NOTUM: variants seen among roughly 807,000 people sequenced by gnomAD.
The protein encoded by NOTUM is palmitoleoyl-protein carboxylesterase NOTUM.
Under a neutral mutation model 65.5 loss-of-function variants are expected in NOTUM, and 36 were observed. That is an observed-to-expected ratio of 0.55 (90% confidence interval 0.42 to 0.73). The LOEUF is 0.73. NOTUM is among the 30% of genes least tolerant of loss of function. NOTUM has a pLI of 0.00. For synonymous variants in NOTUM, 356 were observed against 297.9 expected (o/e 1.20, Z -2.01); for missense variants, 659 against 694.2 (o/e 0.95, Z 0.57).
Position 81,956,687 on chromosome 17 carries a change from G to A in NOTUM, c.951C>T (p.Asn317=), listed in dbSNP as rs767603340. ...RRQFQEGEEW[N]CFFGYKVYPT... ...GGTAGACCTTGTAGCCAAAGAAGCA[G>A]TTCCACTCCTCGCCCTCCTGGAACT... is the stretch of plus-strand genomic sequence containing the variant. Residue 317 remains asparagine (N), a synonymous_variant, in exon 8 of 11, where the codon AAC becomes AAT. Coordinates refer to ENST00000409678, the MANE Select transcript of NOTUM (RefSeq NM_178493.6). 2 of 1,612,898 alleles carry A rather than the reference G, an allele frequency of 1.2e-6. No individual in the cohort carries two copies. The highest frequency in any genetic ancestry group is 1.7e-5 in the Admixed American group (1 of 59,988).
intron 5 of NOTUM, 55 bp downstream of exon 5, chr17:81,958,280 C>A: frequency 1.6e-6 from 2 of 1,229,022 alleles, no homozygotes; most frequent in Non-Finnish European, 2.4e-6. Context: ...TCCTCCCTGC[C>A]CTGCCATCCG....
Position 81,958,355 on chromosome 17 carries a change from G to A in NOTUM, c.572C>T (p.Ala191Val). The A allele has an allele frequency of 2.5e-6, 4 of 1,610,396 alleles. No homozygotes were observed. The highest frequency in any genetic ancestry group is 1.7e-6 in the Non-Finnish European group (2 of 1,177,992). Residue 191 changes from alanine to valine, a missense_variant, in exon 5 of 11, where the codon GCT (alanine) becomes GTT (valine). Ala to Val is a moderately conservative substitution (Grantham distance 64, BLOSUM62 0). Coordinates refer to ENST00000409678, the MANE Select transcript of NOTUM (RefSeq NM_178493.6). The stretch of plus-strand genomic sequence containing the variant: ...CTCACTCTTCTCAGACTTGGATGAA[G>A]CCCCGCTCCAAACATCACTGGAGCA... ...PYCSSDVWSG[A>V]SSKSEKNEYA...
chr17:81,958,815 A>C (rs2041452458), intron 4 of NOTUM, 120 bp downstream of exon 4: 3 of 741,676 alleles, frequency 4.0e-6, no homozygotes, highest in Admixed American at 2.3e-5. Flanking sequence ...CCCCAAAAGA[A>C]CCATCCAGAA....
rs761130743 is a variant in NOTUM, at chr17:81,955,489, G to T, written c.1044C>A (p.Asn348Lys). 1.9e-6 allele frequency: 3 copies of T among 1,611,012 alleles called. No homozygotes were observed. Among genetic ancestry groups the T allele is most frequent in the Non-Finnish European group, 8.5e-7 (1 of 1,179,062 alleles). Residue 348 changes from asparagine (N) to lysine (K), a missense_variant, in exon 9 of 11, where the codon AAC becomes AAA. By Grantham distance (94) the Asn-to-Lys change is moderately conservative. Transcript: ENST00000409678. ...LFDEAQLTVD[N>K]VHLTGQPVQE... ...GCACCGGCTGCCCCGTCAGGTGCACGTTGTCCACCGTCAGCTGTGCCTCGT... is the reference window on the plus strand; with the variant it reads ...GCACCGGCTGCCCCGTCAGGTGCACTTTGTCCACCGTCAGCTGTGCCTCGT...
chr17:81,952,820 G>A lies in NOTUM; in HGVS notation c.*141C>T. On this transcript the variant is annotated 3_prime_UTR_variant, in exon 11 of 11. Transcript: ENST00000409678. ...GGGCAGGGAAAGCCGGGGCAGGAGG[G>A]CAGTGGGCAGACCCAGACAGGGGGG... 4.2e-6 allele frequency: 3 copies of A among 718,258 alleles called. No homozygotes were observed. Among genetic ancestry groups the A allele is most frequent in the Non-Finnish European group, 2.4e-6 (1 of 422,994 alleles). 44.5% of individuals were successfully genotyped at this position (718,258 alleles called of 1,614,324 possible).
At chr17:81,954,373 A>G in intron 9 of NOTUM, 70 bp from the exon 10 acceptor site, 2 of 1,125,094 alleles carry the variant, frequency 1.8e-6, no homozygotes, top group South Asian at 2.6e-5. Flanking sequence ...CCACTCCCCT[A>G]GAGCTGTCCC....
chr17:81,957,906 C>T lies in NOTUM; in HGVS notation c.595G>A (p.Glu199Lys), dbSNP rs201745358. The T allele has an allele frequency of 6.5e-4, 1,037 of 1,596,008 alleles. 2 individuals carry two copies. Among genetic ancestry groups the T allele is most frequent in the Non-Finnish European group, 7.9e-4 (929 of 1,171,466 alleles). ...SGASSKSEKNEYAFMGALIIQ... is the reference protein window; with the variant it reads ...SGASSKSEKNKYAFMGALIIQ... Reference sequence around the variant, plus strand: ...ATGAGGGCGCCCATGAAGGCGTACTCGTCTGCAAGAGGGAGGGGGTGGCCT... The same window carrying T: ...ATGAGGGCGCCCATGAAGGCGTACTTGTCTGCAAGAGGGAGGGGGTGGCCT... Residue 199 changes from glutamate to lysine, a missense_variant and splice_region_variant, in exon 6 of 11, where the codon GAG becomes AAG. Glu to Lys is a moderately conservative substitution (Grantham distance 56). Transcript: ENST00000409678.
chr17:81,955,652 T>G (rs2041427401), intron 8 of NOTUM, 108 bp from the exon 9 acceptor site: 4 of 918,734 alleles, frequency 4.4e-6, no homozygotes, highest in Non-Finnish European at 5.9e-6. Context: ...CACCCCAGGC[T>G]CAGAGCTCAG....
Position 81,952,861 on chromosome 17 carries a change from TC to T in NOTUM, c.*99del. The T allele has an allele frequency of 9.2e-7, 1 of 1,091,974 alleles. No individual in the cohort carries two copies. The allele number at this position is 1,091,974 out of a possible 1,614,324, so 67.6% of individuals were successfully genotyped here. ...GACAGGGGGGACGGCTGGGGCCCTG[TC>T]CCGAAGAGACGGGAGGGCCTGCTGG... On this transcript the variant is annotated 3_prime_UTR_variant, in exon 11 of 11. Transcript: ENST00000409678.
intron 3 of NOTUM, 28 bp downstream of exon 3, chr17:81,959,443 G>C: frequency 6.6e-7 from 1 of 1,520,146 alleles, no homozygotes; most frequent in Non-Finnish European, 8.9e-7. Context: ...CTCACGTCGA[G>C]ACGCCTTCCC....
chr17:81,959,599 C>G, intron 2 of NOTUM, 33 bp from the exon 3 acceptor site: 3 of 1,546,932 alleles, frequency 1.9e-6, no homozygotes, highest in South Asian at 2.4e-5. Flanking sequence ...GGCCCGCGCG[C>G]ACAGACCCCC....
chr17:81,957,673 C>G (rs761990703), intron 6 of NOTUM, 133 bp downstream of exon 6: 5 of 661,858 alleles, frequency 7.6e-6, no homozygotes, highest in South Asian at 7.2e-5. Context: ...CTCTCACCCT[C>G]CTAGCCACCT....
chr17:81,954,836 T>C (rs1377140986), intron 9 of NOTUM, among the ~76,000 whole-genome samples: 9 of 152,098 alleles, frequency 5.9e-5, no homozygotes, highest in Non-Finnish European at 1.0e-4. Flanking sequence ...TGGCTGGTCT[T>C]AGACTCCTGG....
At position 81,955,476 on chromosome 17, in the gene NOTUM, C is replaced by G; in HGVS notation, c.1057G>C (p.Gly353Arg). 1.2e-6 allele frequency: 2 copies of G among 1,610,560 alleles called. No homozygotes were observed. Among genetic ancestry groups the G allele is most frequent in the East Asian group, 2.2e-5 (1 of 44,838 alleles). The change falls in exon 9 of 11, where the codon GGG (glycine) becomes CGG (arginine). Residue 353 changes from glycine to arginine, a missense_variant. Coordinates refer to ENST00000409678, the MANE Select transcript of NOTUM (RefSeq NM_178493.6). ...QLTVDNVHLTGQPVQEGLRLY... is the reference protein window; with the variant it reads ...QLTVDNVHLTRQPVQEGLRLY... ...CGCAGGCCCTCCTGCACCGGCTGCC[C>G]CGTCAGGTGCACGTTGTCCACCGTC...
At chr17:81,959,152 A>G in intron 3 of NOTUM, 157 bp from the exon 4 acceptor site, 1 of 678,618 alleles carries the variant, frequency 1.5e-6, no homozygotes, top group African/African-American at 1.8e-5. Context: ...AAAGTGGAGG[A>G]CAGTTGGGTT....
chr17:81,958,228 A>G, intron 5 of NOTUM, 107 bp downstream of exon 5: 1 of 768,876 alleles, frequency 1.3e-6, no homozygotes, highest in Non-Finnish European at 2.3e-6. Flanking sequence ...TTTTCCCCAG[A>G]ACCCCTGCCG....
intron 5 of NOTUM, 38 bp from the exon 6 acceptor site, chr17:81,957,946 G>T (rs2041445714): frequency 1.4e-6 from 2 of 1,444,306 alleles, no homozygotes; most frequent in Non-Finnish European, 1.9e-6. Flanking sequence ...TAGGGGCCTG[G>T]ACAGAGAGAA....
At chr17:81,953,289 G>A (rs1429648470) in intron 10 of NOTUM, 22 bp from the exon 11 acceptor site, 1 of 1,463,702 alleles carries the variant, frequency 6.8e-7, no homozygotes, top group African/African-American at 2.0e-5. Flanking sequence ...AACCGGGGGA[G>A]GGGGTCACAT....
In NOTUM at chr17:81,960,868, C is replaced by T. The variant is rs752497169; in HGVS notation, c.42G>A (p.Leu14=). ...GVRVLLLLSL[L]HCAGGSEGRK... ...TGCCCTCGCTGCCCCCGGCGCAGTG[C>T]AGCAGGCTCAGCAGCAGCAGCACGC... The change falls in exon 1 of 11, where the codon CTG becomes CTA. Residue 14 remains leucine, a synonymous_variant. Coordinates refer to ENST00000409678, the MANE Select transcript of NOTUM (RefSeq NM_178493.6). The surrounding 1 kb of genome is among the most constrained non-coding windows in gnomAD (Gnocchi z 6.4). 76 of 1,413,312 alleles carry T rather than the reference C, an allele frequency of 5.4e-5. No individual in the cohort carries two copies. The East Asian group carries it at 2.1e-3, about 39-fold the overall frequency. 87.5% of individuals were successfully genotyped at this position (1,413,312 alleles called of 1,614,324 possible). A position where few individuals can be genotyped will look rare whatever the true frequency, so the allele number is the denominator to read the frequency against.
Sources: allele counts gnomAD v4.1 joint callset (sites outside exome capture counted in the v4.1 genomes callset), GRCh38; gene constraint gnomAD v4.1.1; non-coding constraint Gnocchi (gnomAD v3.1); transcripts MANE v1.5; gene names NCBI Gene and HGNC (gene_info 2026-07-23, HGNC 2026-07-21).